The following SOX30 variants were observed in gnomAD, a reference collection of about 807,000 sequenced individuals.
SOX30 encodes the protein transcription factor SOX-30.
Under a neutral mutation model 58.6 loss-of-function variants are expected in SOX30, and 17 were observed. The ratio of observed to expected loss-of-function variants is 0.29; its 90% CI spans 0.20 to 0.44. The LOEUF is 0.44. SOX30 is among the 20% of genes least tolerant of loss of function. The pLI is 1.00. For missense variants in SOX30, 951 were observed against 965.8 expected (o/e 0.98, Z 0.20); for synonymous variants, 421 against 400.2 (o/e 1.05, Z -0.62).
At chr5:157,664,208 A>G (rs911730239) in intron 2 of SOX30, among the ~76,000 whole-genome samples, 8 of 152,204 alleles carry the variant, frequency 5.3e-5, no homozygotes, top group Non-Finnish European at 8.8e-5. Context: ...ACAAGGCTAC[A>G]GTAACCAAAA....
chr5:157,648,636 G>A, intron 2 of SOX30, 21 bp downstream of exon 2: 2 of 1,602,768 alleles, frequency 1.2e-6, no homozygotes, highest in Non-Finnish European at 1.7e-6. Context: ...AGAAGTAAGA[G>A]GCATTATTTA....
At position 157,651,266 on chromosome 5, in the gene SOX30, G is replaced by A. The variant is rs773270658; in HGVS notation, c.813C>T (p.Ala271=). ...GCGGAGCTCCCTGAAACTGGATCCG[G>A]GCCCCAGGGGGGACCGTGTGGAGCG... ...PLTLHTVPPG[A]RIQFQGAPPS... The change falls in exon 1 of 5, where the codon GCC becomes GCT. Residue 271 remains alanine, a synonymous_variant. Transcript: ENST00000265007. 1.7e-5 allele frequency: 28 copies of A among 1,614,058 alleles called. No homozygotes were observed. The highest frequency in any genetic ancestry group is 4.4e-5 in the South Asian group (4 of 91,088).
At chr5:157,645,563 G>C (rs1759168615) in intron 3 of SOX30, among the ~76,000 whole-genome samples, 1 of 151,888 alleles carries the variant, frequency 6.6e-6, no homozygotes. Context: ...TAGGGAGCCT[G>C]AGGTGGGAGA....
At position 157,648,791 on chromosome 5, in the gene SOX30, G is replaced by A; in HGVS notation, c.1073C>T (p.Ala358Val). Residue 358 changes from alanine (A) to valine (V), a missense_variant, in exon 2 of 5, where the codon GCT becomes GTT. This residue lies in a region of SOX30 where 57 missense variants were observed against 104.0 expected (regional missense o/e 0.55). Transcript: ENST00000265007. ...ARIHRPALAKANPAANNAEIS... is the reference protein window; with the variant it reads ...ARIHRPALAKVNPAANNAEIS... Reference sequence around the variant, plus strand: ...TTCTGCATTGTTGGCTGCTGGGTTAGCTTTGGCTAGTGCTGGTCGGTGGAT... The same window carrying A: ...TTCTGCATTGTTGGCTGCTGGGTTAACTTTGGCTAGTGCTGGTCGGTGGAT... 4 of 1,613,278 alleles carry A rather than the reference G, an allele frequency of 2.5e-6. No individual in the cohort carries two copies. Among genetic ancestry groups the A allele is most frequent in the Non-Finnish European group, 3.4e-6 (4 of 1,179,960 alleles).
intron 4 of SOX30, among the ~76,000 whole-genome samples, chr5:157,631,068 T>C (rs1419969724): frequency 3.7e-3 from 64 of 17,302 alleles, no homozygotes; most frequent in Non-Finnish European, 0.011. Context: ...TATATATATA[T>C]ACACACAATA....
intron 1 of SOX30, among the ~76,000 whole-genome samples, chr5:157,670,590 G>T (rs907310739): frequency 6.6e-6 from 1 of 152,146 alleles, no homozygotes; most frequent in Non-Finnish European, 1.5e-5. Context: ...TCCCAAGACC[G>T]CCTGAAGAAA....
chr5:157,663,946 AAG>A (rs1322188918), intron 2 of SOX30, among the ~76,000 whole-genome samples: 1 of 152,202 alleles, frequency 6.6e-6, no homozygotes, highest in African/African-American at 2.4e-5. Context: ...AACAAAATAA[AAG>A]AGGACAAAAA....
chr5:157,670,488 A>G (rs1363991429), intron 1 of SOX30, among the ~76,000 whole-genome samples: 1 of 152,124 alleles, frequency 6.6e-6, no homozygotes, highest in African/African-American at 2.4e-5. Flanking sequence ...AATGATAACT[A>G]TTTTTCTTGC....
intron 1 of SOX30, among the ~76,000 whole-genome samples, chr5:157,668,283 G>A (rs1759707475): frequency 6.6e-6 from 1 of 152,178 alleles, no homozygotes; most frequent in African/African-American, 2.4e-5. Flanking sequence ...CACACTGCAG[G>A]TCCTAGCTCC....
chr5:157,668,871 C>T (rs1396201064), intron 1 of SOX30, among the ~76,000 whole-genome samples: 2 of 152,076 alleles, frequency 1.3e-5, no homozygotes, highest in East Asian at 1.9e-4. Flanking sequence ...GGTGACTTGC[C>T]AAGGTCAGGT....
intron 4 of SOX30, among the ~76,000 whole-genome samples, chr5:157,628,181 T>C (rs1758705943): frequency 6.6e-6 from 1 of 151,928 alleles, no homozygotes; most frequent in South Asian, 2.1e-4. Context: ...AGATTATACC[T>C]CAAAAATTCT....
rs139786871 is a variant in SOX30, at chr5:157,666,108, A to G, written c.52+1690T>C. 6.6e-5 allele frequency among the ~76,000 whole-genome samples: 10 copies of G among 152,106 alleles called. No homozygotes were observed. In the East Asian group the frequency reaches 1.9e-3, roughly 29 times the overall value. ...GGGAAGATATTGTGGGAGAAATGGA[A>G]TCTTGAAACTAAGGAGATTGGCCAA... On this transcript the variant is annotated intron_variant, in intron 2 of 5. Coordinates refer to the SOX30 transcript ENST00000519442.
chr5:157,652,447 C>G (rs1353068793), upstream of SOX30: 4 of 980,114 alleles, frequency 4.1e-6, no homozygotes, highest in Non-Finnish European at 4.9e-6. Context: ...ATGGCGTTGC[C>G]CAGGAAACGT....
chr5:157,666,527 A>C lies in SOX30; in HGVS notation c.52+1271T>G, dbSNP rs186649949. On this transcript the variant is annotated intron_variant, in intron 2 of 5. Coordinates refer to the SOX30 transcript ENST00000519442. ...CACACACACACACACACACACACAC[A>C]CCTCAGTTCAAATGAAATCTCAGCT... is the stretch of plus-strand genomic sequence containing the variant. Among the ~76,000 whole-genome samples, 157 of 132,806 alleles carry C rather than the reference A, an allele frequency of 1.2e-3. 1 individual carries two copies. Among genetic ancestry groups the C allele is most frequent in the African/African-American group, 3.9e-3 (139 of 35,442 alleles). 87.1% of individuals were successfully genotyped at this position (132,806 alleles called of 152,430 possible).
chr5:157,647,722 T>C (rs1200743305), intron 2 of SOX30, among the ~76,000 whole-genome samples: 1 of 151,726 alleles, frequency 6.6e-6, no homozygotes, highest in African/African-American at 2.4e-5. Flanking sequence ...GCCCAGCTAA[T>C]TTTTTTATTT....
intron 2 of SOX30, among the ~76,000 whole-genome samples, chr5:157,661,237 ATT>A (rs1321309083): frequency 6.6e-6 from 1 of 152,210 alleles, no homozygotes; most frequent in African/African-American, 2.4e-5. Flanking sequence ...GCATCCAGTC[ATT>A]CACCTTTAAG....
In SOX30 at chr5:157,659,462, G is replaced by A. The variant is rs1041291660; in HGVS notation, c.52+8336C>T. The stretch of plus-strand genomic sequence containing the variant: ...CAATAAGAAAGTTAGTGTTAATTTT[G>A]TGCAAGGTTTCAGTTCATATTCTGA... On this transcript the variant is annotated intron_variant, in intron 2 of 5. Transcript: ENST00000519442. Among the ~76,000 whole-genome samples the A allele has an allele frequency of 3.3e-5, 5 of 152,324 alleles. 1 individual carries two copies. Among genetic ancestry groups the A allele is most frequent in the Admixed American group, 1.3e-4 (2 of 15,306 alleles).
At position 157,652,299 on chromosome 5, in the gene SOX30, C is replaced by T. The variant is rs1759377499; in HGVS notation, c.-221G>A. On this transcript the variant is annotated 5_prime_UTR_variant, in exon 1 of 5. Transcript: ENST00000265007. ...TCCGGCTCTTCCTGGTCCCTACTCT[C>T]GCCTCGTGCTGAGTCCTCGAATCAC... 8.1e-7 allele frequency: 1 copy of T among 1,236,360 alleles called. No individual in the cohort carries two copies. The highest frequency in any genetic ancestry group is 1.0e-6 in the Non-Finnish European group (1 of 991,704). The allele number at this position is 1,236,360 out of a possible 1,614,324, so 76.6% of individuals were successfully genotyped here. A position where few individuals can be genotyped will look rare whatever the true frequency, so the allele number is the denominator to read the frequency against.
chr5:157,627,336 C>T (rs1312075019), intron 4 of SOX30, among the ~76,000 whole-genome samples: 4 of 152,088 alleles, frequency 2.6e-5, no homozygotes, highest in African/African-American at 9.7e-5. Context: ...GCACTCCAGC[C>T]TGGTGACAGA....
Sources: allele counts gnomAD v4.1 joint callset (sites outside exome capture counted in the v4.1 genomes callset), GRCh38; gene constraint gnomAD v4.1.1; regional missense constraint gnomAD v4.1.1; transcripts MANE v1.5; gene names NCBI Gene and HGNC (gene_info 2026-07-23, HGNC 2026-07-21).